Variants in NRXN1 observed in about 807,000 individuals in gnomAD.
NRXN1 encodes the protein neurexin 1.
In NRXN1, 39 loss-of-function variants were observed where a neutral mutation model predicts 150.9. The observed-to-expected ratio is 0.26, with a 90% CI of 0.20 to 0.34. The LOEUF (loss-of-function observed/expected upper bound fraction) is 0.34, where lower values mean the gene tolerates loss of function less well. Ranked by LOEUF, NRXN1 falls within the 10% of genes least tolerant of loss-of-function variation. The pLI is 1.00. For synonymous variants in NRXN1, 924 were observed against 757.0 expected, an observed-to-expected ratio of 1.22 and a Z score of -3.62; for missense variants, 1,815 against 1,949.9, an observed-to-expected ratio of 0.93 and a Z score of 1.30.
chr2:50,833,334 T>C (rs1437422010), intron 5 of NRXN1, among the ~76,000 whole-genome samples: 2 of 152,188 alleles, frequency 1.3e-5, no homozygotes, highest in East Asian at 3.8e-4. Context: ...TTTAGATGTT[T>C]ATCCAAGAAA....
chr2:50,415,620 T>C (rs1329808902), intron 17 of NRXN1, among the ~76,000 whole-genome samples: 4 of 152,172 alleles, frequency 2.6e-5, no homozygotes, highest in African/African-American at 9.6e-5. Flanking sequence ...ATATTAGCCA[T>C]AGAGATGTCT....
intron 5 of NRXN1, among the ~76,000 whole-genome samples, chr2:50,644,280 C>T (rs10182729): frequency 0.4 from 60,945 of 151,354 alleles, 12,621 homozygotes; most frequent in East Asian, 0.6. Context: ...TGTTAGGTAA[C>T]TGAATTGGAA....
At chr2:50,745,400 CCCCTCCCCTCCCCTT>C (rs921793337) in intron 5 of NRXN1, among the ~76,000 whole-genome samples, 37 of 126,526 alleles carry the variant, frequency 2.9e-4, no homozygotes, top group Admixed American at 5.9e-4. Flanking sequence ...CCTCTCCCTT[CCCCTCCCCTCCCCTT>C]CCCTCCCTTT....
intron 19 of NRXN1, among the ~76,000 whole-genome samples, chr2:50,074,095 T>G: frequency 6.6e-6 from 1 of 152,076 alleles, no homozygotes; most frequent in East Asian, 1.9e-4. Flanking sequence ...AACAAAAAAA[T>G]TATAGGTTGC....
intron 21 of NRXN1, among the ~76,000 whole-genome samples, chr2:49,975,516 A>G (rs538671263): frequency 6.6e-6 from 1 of 152,274 alleles, no homozygotes; most frequent in East Asian, 1.9e-4. Context: ...TTCCTGAAAG[A>G]TTGAACCCTG....
chr2:50,582,070 C>A (rs375532617), intron 8 of NRXN1, among the ~76,000 whole-genome samples: 1 of 152,156 alleles, frequency 6.6e-6, no homozygotes, highest in East Asian at 1.9e-4. Flanking sequence ...GCCCCCTGTT[C>A]GCACCAATTT....
intron 2 of NRXN1, among the ~76,000 whole-genome samples, chr2:50,976,071 A>G (rs1399153158): frequency 6.6e-6 from 1 of 151,964 alleles, no homozygotes; most frequent in Non-Finnish European, 1.5e-5. Flanking sequence ...TGCTCCCAAT[A>G]ATGCCTGTGT....
chr2:50,565,482 C>T (rs1030526652), intron 8 of NRXN1, among the ~76,000 whole-genome samples: 1 of 151,830 alleles, frequency 6.6e-6, no homozygotes, highest in African/African-American at 2.4e-5. Context: ...AATGATTTGG[C>T]CAGATATATA....
At position 50,064,829 on chromosome 2, in the gene NRXN1, A is replaced by G. The variant is rs149098132; in HGVS notation, c.3719-9785T>C. On this transcript the variant is annotated intron_variant, in intron 19 of 22. Coordinates refer to ENST00000401669, the MANE Select transcript of NRXN1 (RefSeq NM_001330078.2). ...ATACAAAGTTGAAGCTTATAAAGTC[A>G]GGTAGTAGAAGTTATGGATCTTCTA... Among the ~76,000 whole-genome samples, 176 of 152,308 alleles carry G rather than the reference A, an allele frequency of 1.2e-3. 1 individual carries two copies. The highest frequency in any genetic ancestry group is 3.8e-3 in the African/African-American group (156 of 41,586).
chr2:50,747,877 C>T (rs550577366), intron 5 of NRXN1, among the ~76,000 whole-genome samples: 1 of 152,034 alleles, frequency 6.6e-6, no homozygotes, highest in Non-Finnish European at 1.5e-5. Flanking sequence ...GCCCAAGGCT[C>T]GCAACCAGGA....
At chr2:50,418,463 A>T (rs1239539802) in intron 17 of NRXN1, among the ~76,000 whole-genome samples, 2 of 152,062 alleles carry the variant, frequency 1.3e-5, no homozygotes, top group Admixed American at 6.6e-5. Context: ...CTCCAAATAA[A>T]GTTATTTCTT....
chr2:50,993,449 A>C (rs1364697115), intron 2 of NRXN1, among the ~76,000 whole-genome samples: 2 of 151,624 alleles, frequency 1.3e-5, no homozygotes, highest in African/African-American at 4.8e-5. Flanking sequence ...GTTTCTATTA[A>C]CTCAGCCATT....
chr2:50,338,993 T>G (rs2077372458), intron 17 of NRXN1, among the ~76,000 whole-genome samples: 1 of 152,196 alleles, frequency 6.6e-6, no homozygotes, highest in East Asian at 1.9e-4. Flanking sequence ...AAACCTGAAG[T>G]CATCTAGAAA....
intron 17 of NRXN1, among the ~76,000 whole-genome samples, chr2:50,398,808 T>C (rs979259031): frequency 1.3e-5 from 2 of 152,164 alleles, no homozygotes; most frequent in Non-Finnish European, 2.9e-5. Flanking sequence ...TTCCACTATA[T>C]CTAGCTTGGT....
intron 17 of NRXN1, among the ~76,000 whole-genome samples, chr2:50,425,307 A>G (rs1161516766): frequency 6.6e-6 from 1 of 152,192 alleles, no homozygotes; most frequent in Non-Finnish European, 1.5e-5. Context: ...CTTCCCTGGA[A>G]GTACAAGCCT....
intron 8 of NRXN1, among the ~76,000 whole-genome samples, chr2:50,602,390 T>C (rs1440265537): frequency 7.1e-6 from 1 of 140,066 alleles, no homozygotes; most frequent in African/African-American, 2.5e-5. Flanking sequence ...CTAATGTTCA[T>C]TTTTCTTTTT....
At chr2:50,715,219 C>G (rs1192605294) in intron 5 of NRXN1, among the ~76,000 whole-genome samples, 1 of 152,108 alleles carries the variant, frequency 6.6e-6, no homozygotes, top group Non-Finnish European at 1.5e-5. Context: ...ACATATATGT[C>G]AGTTTCAGTC....
At chr2:50,999,016 T>C (rs924182147) in intron 2 of NRXN1, among the ~76,000 whole-genome samples, 2 of 152,038 alleles carry the variant, frequency 1.3e-5, no homozygotes, top group African/African-American at 4.8e-5. Flanking sequence ...AAAACTAAGA[T>C]ACTTCGTATC....
At chr2:50,137,671 CCT>C (rs1553652344) in intron 18 of NRXN1, among the ~76,000 whole-genome samples, 9 of 152,002 alleles carry the variant, frequency 5.9e-5, no homozygotes, top group Non-Finnish European at 1.5e-5. Context: ...TTAATTATTC[CCT>C]GTTTCAAAAA....
Sources: allele counts gnomAD v4.1 joint callset (sites outside exome capture counted in the v4.1 genomes callset), GRCh38; gene constraint gnomAD v4.1.1; transcripts MANE v1.5; gene names NCBI Gene and HGNC (gene_info 2026-07-23, HGNC 2026-07-21).